SUGP1: variants seen among roughly 807,000 people sequenced by gnomAD.
The protein encoded by SUGP1 is SURP and G-patch domain-containing protein 1.
In SUGP1, 34 loss-of-function variants were observed where a neutral mutation model predicts 76.5. The ratio of observed to expected loss-of-function variants is 0.44; its 90% CI spans 0.34 to 0.59. The LOEUF (loss-of-function observed/expected upper bound fraction) is 0.59. Ranked by LOEUF, SUGP1 falls within the 20% of genes least tolerant of loss-of-function variation. SUGP1 has a pLI of 0.01. For synonymous variants in SUGP1, 326 were observed against 326.2 expected, an observed-to-expected ratio of 1.00 and a Z score of 0.01; for missense variants, 752 against 851.7, an observed-to-expected ratio of 0.88 and a Z score of 1.46.
At chr19:19,282,072 C>T (rs1386405460) in intron 8 of SUGP1, among the ~76,000 whole-genome samples, 4 of 152,142 alleles carry the variant, frequency 2.6e-5, no homozygotes, top group Non-Finnish European at 2.9e-5. Context: ...CTCCGCCTCC[C>T]AGGATCAAGC....
intron 3 of SUGP1, among the ~76,000 whole-genome samples, chr19:19,307,593 C>A (rs564168838): frequency 3.7e-4 from 57 of 152,306 alleles, no homozygotes; most frequent in African/African-American, 1.0e-3. Flanking sequence ...GTCAGACACA[C>A]AATTTCTCGA....
intron 7 of SUGP1, among the ~76,000 whole-genome samples, chr19:19,299,408 T>C (rs960453137): frequency 1.3e-5 from 2 of 152,176 alleles, no homozygotes; most frequent in Non-Finnish European, 2.9e-5. Context: ...AGTCTTGCTC[T>C]GTCGCCCAGG....
chr19:19,297,006 G>C lies in SUGP1; in HGVS notation c.1226C>G (p.Ser409Cys), dbSNP rs772549956. ...AELVQRDVDA[S>C]PSPLSVQDLK... ...CTGCCCACCTGACAGAGGCGAGGGA[G>C]AGGCATCCACGTCCCTCTGCACCAG... The change falls in exon 8 of 14, where the codon TCT (serine) becomes TGT (cysteine). Residue 409 changes from serine to cysteine, a missense_variant. Transcript: ENST00000247001. The C allele has an allele frequency of 6.3e-7, 1 of 1,583,454 alleles. No individual in the cohort carries two copies. Among genetic ancestry groups the C allele is most frequent in the East Asian group, 2.3e-5 (1 of 44,226 alleles).
rs1255270452 is a variant in SUGP1 at position 19,320,507 on chromosome 19, A to G, written c.-11T>C. 1.9e-6 allele frequency: 3 copies of G among 1,609,566 alleles called. No homozygotes were observed. Among genetic ancestry groups the G allele is most frequent in the East Asian group, 2.2e-5 (1 of 44,626 alleles). ...CATCTTGAGACTCATCCAATCCCACAATGCTCCGGCGCCCCTTAAGGGGCC... is the reference window on the plus strand; with the variant it reads ...CATCTTGAGACTCATCCAATCCCACGATGCTCCGGCGCCCCTTAAGGGGCC... On this transcript the variant is annotated 5_prime_UTR_variant, in exon 1 of 14. Transcript: ENST00000247001.
intron 4 of SUGP1, 105 bp from the exon 5 acceptor site, chr19:19,303,952 T>G (rs1337585813): frequency 6.3e-7 from 1 of 1,598,408 alleles, no homozygotes; most frequent in African/African-American, 1.3e-5. Context: ...GGGAGAAGAG[T>G]GTGAGATGCA....
At chr19:19,291,933 A>ACACACAC (rs71170610) in intron 8 of SUGP1, among the ~76,000 whole-genome samples, 16 of 146,810 alleles carry the variant, frequency 1.1e-4, no homozygotes, top group South Asian at 2.2e-4. Flanking sequence ...ACACACACAC[A>ACACACAC]AAAGGGCCAA....
chr19:19,306,235 G>A (rs752708229), intron 3 of SUGP1, among the ~76,000 whole-genome samples, 159 bp from the exon 4 acceptor site: 14 of 152,304 alleles, frequency 9.2e-5, no homozygotes, highest in Admixed American at 2.6e-4. Flanking sequence ...GATGGGGACA[G>A]TGAGGCAAAG....
intron 8 of SUGP1, among the ~76,000 whole-genome samples, chr19:19,294,688 TA>T (rs1337082034): frequency 6.6e-6 from 1 of 151,872 alleles, no homozygotes; most frequent in Non-Finnish European, 1.5e-5. Context: ...TTGACTTCAT[TA>T]AAATTCCATT....
Position 19,296,428 on chromosome 19 carries a change from C to T in SUGP1, c.1243+561G>A, listed in dbSNP as rs578036418. On this transcript the variant is annotated intron_variant, in intron 8 of 13. Transcript: ENST00000247001. ...TTTGGGAGGCCGAAGCGGGAGATCA[C>T]GAGGTCAGGAGATAGAGACCATCCT... 5.9e-5 allele frequency among the ~76,000 whole-genome samples: 9 copies of T among 152,074 alleles called. No individual in the cohort carries two copies. In the South Asian group the frequency reaches 1.5e-3, roughly 25 times the overall value.
At chr19:19,306,196 G>A (rs2061316832) in intron 3 of SUGP1, 120 bp from the exon 4 acceptor site, 5 of 990,636 alleles carry the variant, frequency 5.0e-6, no homozygotes, top group South Asian at 3.7e-5. Flanking sequence ...AGAACTCAGG[G>A]GCTCAGAGGA....
chr19:19,302,135 G>C lies in SUGP1; in HGVS notation c.887+130C>G, dbSNP rs535540594. On this transcript the variant is annotated intron_variant, in intron 7 of 13. Coordinates refer to ENST00000247001, the MANE Select transcript of SUGP1 (RefSeq NM_172231.4). ...GGCAGAGCTGGGCTCTGGGGTCAGA[G>C]ACTCTTGGACCTGCCAGCTTCTCAC... The C allele has an allele frequency of 1.3e-4, 178 of 1,420,688 alleles. 1 individual carries two copies. In the South Asian group the frequency reaches 2.3e-3, roughly 18 times the overall value. 88.0% of individuals were successfully genotyped at this position (1,420,688 alleles called of 1,614,324 possible).
intron 3 of SUGP1, among the ~76,000 whole-genome samples, chr19:19,306,747 C>T (rs2061321072): frequency 6.6e-6 from 1 of 152,230 alleles, no homozygotes; most frequent in South Asian, 2.1e-4. Context: ...GGTCCCATTC[C>T]TTGCACAGGC....
chr19:19,285,675 C>A (rs1689341542), intron 8 of SUGP1, among the ~76,000 whole-genome samples: 2 of 152,158 alleles, frequency 1.3e-5, no homozygotes, highest in African/African-American at 4.8e-5. Context: ...AAGTGAACCT[C>A]TCACCTCAGC....
intron 1 of SUGP1, among the ~76,000 whole-genome samples, chr19:19,319,074 T>G: frequency 6.6e-6 from 1 of 152,042 alleles, no homozygotes; most frequent in South Asian, 2.1e-4. Context: ...ACAAAAACAC[T>G]GGCCAGGTGC....
chr19:19,296,867 T>C (rs1481090691), intron 8 of SUGP1, 122 bp downstream of exon 8: 3 of 858,554 alleles, frequency 3.5e-6, no homozygotes, highest in African/African-American at 1.7e-5. Context: ...CAGTGGAAGA[T>C]ATGGCCACAG....
rs745666104 is a variant in SUGP1, at chr19:19,276,693, A to G, written c.1912-19T>C. ...GATTGTTCTGTGGAAGGCAAAACAGATAACAGGAGGAGGGGATTAGCACTA... is the reference window on the plus strand; with the variant it reads ...GATTGTTCTGTGGAAGGCAAAACAGGTAACAGGAGGAGGGGATTAGCACTA... On this transcript the variant is annotated intron_variant, in intron 13 of 13. Coordinates refer to ENST00000247001, the MANE Select transcript of SUGP1 (RefSeq NM_172231.4). 13 of 1,613,994 alleles carry G rather than the reference A, an allele frequency of 8.1e-6. No individual in the cohort carries two copies. The highest frequency in any genetic ancestry group is 1.6e-4 in the Middle Eastern group (1 of 6,084).
chr19:19,310,670 G>GA (rs1439956396), intron 2 of SUGP1, among the ~76,000 whole-genome samples: 3 of 152,086 alleles, frequency 2.0e-5, no homozygotes, highest in Non-Finnish European at 4.4e-5. Context: ...CCGAAACAGA[G>GA]TTTTACTCTG....
intron 2 of SUGP1, among the ~76,000 whole-genome samples, chr19:19,312,714 G>A (rs2061361060): frequency 6.6e-6 from 1 of 152,192 alleles, no homozygotes; most frequent in Non-Finnish European, 1.5e-5. Context: ...AAGGCCAGGC[G>A]CGGTGGCTCA....
At chr19:19,313,122 G>C (rs570074518) in intron 2 of SUGP1, among the ~76,000 whole-genome samples, 1 of 152,080 alleles carries the variant, frequency 6.6e-6, no homozygotes, top group Non-Finnish European at 1.5e-5. Context: ...GGCCGGGTGC[G>C]GGACCTCACA....
Sources: gnomAD v4.1 joint callset for allele counts (sites outside exome capture counted in the v4.1 genomes callset) on GRCh38, gnomAD v4.1.1 for gene constraint, MANE v1.5 for transcripts, NCBI Gene and HGNC (gene_info 2026-07-23, HGNC 2026-07-21) for gene names.